The following STRN3 variants were observed in gnomAD, a reference collection of about 807,000 sequenced individuals.
STRN3 encodes the protein striatin-3.
Under a neutral mutation model 95.6 loss-of-function variants are expected in STRN3, and 29 were observed. The ratio of observed to expected loss-of-function variants is 0.30; its 90% CI spans 0.23 to 0.41. STRN3 has a LOEUF of 0.41. STRN3 is among the 10% of genes least tolerant of loss of function. STRN3 has a pLI of 1.00. For missense variants in STRN3, 890 were observed against 972.1 expected (o/e 0.92, Z 1.12); for synonymous variants, 331 against 357.6 (o/e 0.93, Z 0.84).
intron 15 of STRN3, among the ~76,000 whole-genome samples, chr14:30,905,160 T>A (rs1896428348): frequency 6.6e-6 from 1 of 152,156 alleles, no homozygotes; most frequent in Non-Finnish European, 1.5e-5. Context: ...GTACATTAAG[T>A]TCATTATGTT....
chr14:30,925,369 T>C (rs1239950263), intron 8 of STRN3, among the ~76,000 whole-genome samples: 2 of 152,102 alleles, frequency 1.3e-5, no homozygotes, highest in South Asian at 2.1e-4. Flanking sequence ...AAGAAGTCAG[T>C]ATTCTTGCCA....
intron 1 of STRN3, among the ~76,000 whole-genome samples, chr14:31,011,819 G>A (rs1182747476): frequency 6.6e-6 from 1 of 151,624 alleles, no homozygotes; most frequent in Non-Finnish European, 1.5e-5. Context: ...GTGGCTAACG[G>A]ATGTAATCCC....
chr14:30,905,240 A>T (rs529240956), intron 15 of STRN3, among the ~76,000 whole-genome samples, 178 bp downstream of exon 15: 2 of 152,308 alleles, frequency 1.3e-5, no homozygotes, highest in East Asian at 3.9e-4. Flanking sequence ...CCAAGCTTTT[A>T]AGCAAAATTT....
At chr14:30,957,278 C>A (rs958080449) in intron 1 of STRN3, among the ~76,000 whole-genome samples, 7 of 151,984 alleles carry the variant, frequency 4.6e-5, no homozygotes, top group Non-Finnish European at 1.0e-4. Flanking sequence ...CACGGTGAAA[C>A]CCGTCTCTAC....
intron 1 of STRN3, among the ~76,000 whole-genome samples, chr14:30,980,276 T>C (rs766817685): frequency 5.9e-5 from 9 of 152,162 alleles, no homozygotes; most frequent in Non-Finnish European, 7.4e-5. Flanking sequence ...TATTTGTTGA[T>C]ACTTGACAGC....
chr14:30,898,292 A>G (rs1358449232), intron 16 of STRN3, among the ~76,000 whole-genome samples: 1 of 152,148 alleles, frequency 6.6e-6, no homozygotes, highest in Non-Finnish European at 1.5e-5. Flanking sequence ...GGTAAGTTTC[A>G]ATTCACAGAT....
intron 8 of STRN3, among the ~76,000 whole-genome samples, chr14:30,919,406 T>A (rs1186310956): frequency 6.6e-6 from 1 of 151,628 alleles, no homozygotes. Context: ...TTTAGAGAGT[T>A]CTTTAAAGTT....
rs576263299 is a variant in STRN3 at position 30,906,793 on chromosome 14, A to G, written c.1888+84T>C. 24 of 1,339,784 alleles carry G rather than the reference A, an allele frequency of 1.8e-5. No individual in the cohort carries two copies. The Admixed American group carries it at 5.2e-4, about 29-fold the overall frequency. 83.0% of individuals were successfully genotyped at this position (1,339,784 alleles called of 1,614,324 possible). A position where few individuals can be genotyped will look rare whatever the true frequency, so the allele number is the denominator to read the frequency against. On this transcript the variant is annotated intron_variant, in intron 14 of 17. Transcript: ENST00000357479. Reference sequence around the variant, plus strand: ...TCAATATATCTCTTTGGAACAGTAAAGAAATACATCAATTACTTTGTCCTT... The same window carrying G: ...TCAATATATCTCTTTGGAACAGTAAGGAAATACATCAATTACTTTGTCCTT...
intron 1 of STRN3, among the ~76,000 whole-genome samples, chr14:30,988,481 T>A (rs1287802547): frequency 6.6e-6 from 1 of 152,178 alleles, no homozygotes; most frequent in Admixed American, 6.5e-5. Flanking sequence ...AAAGTAGAAA[T>A]CTGCTGAGCC....
Position 30,913,661 on chromosome 14 carries a change from T to G in STRN3, c.1241-4A>C. ...GATGGAAACGTTATTGGTTCAGCTA[T>G]AAAGAACAAAACCGCTTCTTAAATG... On this transcript the variant is annotated splice_region_variant and splice_polypyrimidine_tract_variant and intron_variant, in intron 9 of 17. Transcript: ENST00000357479. The G allele has an allele frequency of 1.2e-6, 2 of 1,613,144 alleles. No homozygotes were observed. Among genetic ancestry groups the G allele is most frequent in the Non-Finnish European group, 1.7e-6 (2 of 1,179,726 alleles).
In STRN3 at chr14:30,911,843, G is replaced by T; in HGVS notation, c.1551-19C>A. 1 of 1,600,264 alleles carries T rather than the reference G, an allele frequency of 6.2e-7. No individual in the cohort carries two copies. Among genetic ancestry groups the T allele is most frequent in the Non-Finnish European group, 8.5e-7 (1 of 1,175,650 alleles). The stretch of plus-strand genomic sequence containing the variant: ...GGCACTCCTAAAAGAGGGGGAAAAA[G>T]GGTAGGGGAAGAGAAGGCAATTAAA... On this transcript the variant is annotated intron_variant, in intron 11 of 17. Coordinates refer to ENST00000357479, the MANE Select transcript of STRN3 (RefSeq NM_001083893.2).
chr14:30,895,577 T>C lies in STRN3; in HGVS notation c.2228A>G (p.His743Arg), dbSNP rs1302044794. 1 of 1,612,314 alleles carries C rather than the reference T, an allele frequency of 6.2e-7. No homozygotes were observed. The change falls in exon 18 of 18, where the codon CAT (histidine) becomes CGT (arginine). Residue 743 changes from histidine (H) to arginine (R), a missense_variant. This residue lies in a region of STRN3 where 357 missense variants were observed against 422.8 expected (regional missense o/e 0.84). Coordinates refer to ENST00000357479, the MANE Select transcript of STRN3 (RefSeq NM_001083893.2). ...ATTCCATAATCTGATGGAACAGTCA[T>C]GGCCTGTAAAAGAACAAATAAAATT... The part of the protein sequence containing the change: ...PNGIYLMSGS[H>R]DCSIRLWNLD...
At chr14:30,911,316 T>G (rs1566430588) in intron 12 of STRN3, among the ~76,000 whole-genome samples, 154 bp from the exon 13 acceptor site, 1 of 135,262 alleles carries the variant, frequency 7.4e-6, no homozygotes, top group Non-Finnish European at 1.6e-5. Context: ...TTTTTTTTTT[T>G]GGAGACAGGG....
chr14:30,940,888 G>A lies in STRN3; in HGVS notation c.717-4264C>T, dbSNP rs74040962. 3.8e-3 allele frequency among the ~76,000 whole-genome samples: 577 copies of A among 152,222 alleles called. 2 individuals carry two copies. Among genetic ancestry groups the A allele is most frequent in the African/African-American group, 0.013 (542 of 41,524 alleles). ...TCTACATGGGTGCCATGGTCTGAAT[G>A]TTTATGTCCCTCAGCAAAATTCCTA... On this transcript the variant is annotated intron_variant, in intron 5 of 17. Transcript: ENST00000357479.
Position 30,955,519 on chromosome 14 carries a change from A to G in STRN3, c.460+101T>C. The stretch of plus-strand genomic sequence containing the variant: ...AAATTCTAGACAGTTTACAATAGTC[A>G]TTCTCTAATATTATCAAACCAAAAT... On this transcript the variant is annotated intron_variant, in intron 3 of 17. Coordinates refer to ENST00000357479, the MANE Select transcript of STRN3 (RefSeq NM_001083893.2). 3.2e-6 allele frequency: 3 copies of G among 933,792 alleles called. No homozygotes were observed. In the South Asian group the frequency reaches 4.9e-5, roughly 15 times the overall value. 57.8% of individuals were successfully genotyped at this position (933,792 alleles called of 1,614,324 possible).
chr14:31,000,619 G>A (rs1026722509), intron 1 of STRN3, among the ~76,000 whole-genome samples: 2 of 151,974 alleles, frequency 1.3e-5, no homozygotes, highest in Non-Finnish European at 2.9e-5. Flanking sequence ...TCTGATCTTC[G>A]GTAGTGAGGT....
At chr14:30,975,596 A>G (rs1881060616) in intron 1 of STRN3, among the ~76,000 whole-genome samples, 1 of 151,826 alleles carries the variant, frequency 6.6e-6, no homozygotes, top group Non-Finnish European at 1.5e-5. Context: ...GAAAGAAAAG[A>G]AAAGAAAAAA....
At chr14:30,901,379 A>AT (rs1304002900) in intron 16 of STRN3, among the ~76,000 whole-genome samples, 1 of 152,180 alleles carries the variant, frequency 6.6e-6, no homozygotes, top group African/African-American at 2.4e-5. Context: ...TTTGTCTGCA[A>AT]TTTGTTAAAA....
At chr14:31,004,902 G>A (rs1204530025) in intron 1 of STRN3, among the ~76,000 whole-genome samples, 1 of 152,048 alleles carries the variant, frequency 6.6e-6, no homozygotes, top group African/African-American at 2.4e-5. Flanking sequence ...ATGCCTGGAA[G>A]AACTAAATAG....
Sources: gnomAD v4.1 joint callset for allele counts (sites outside exome capture counted in the v4.1 genomes callset) on GRCh38, gnomAD v4.1.1 for gene constraint, gnomAD v4.1.1 regional missense constraint, MANE v1.5 for transcripts, NCBI Gene and HGNC (gene_info 2026-07-23, HGNC 2026-07-21) for gene names.